Variants in DPYS observed in about 807,000 individuals in gnomAD.
DPYS encodes dihydropyrimidinase.
A neutral mutation model predicts 50.3 loss-of-function variants in DPYS; 39 were observed. The observed-to-expected ratio is 0.78, with a 90% CI of 0.60 to 1.01. DPYS has a LOEUF of 1.01. Ranked by LOEUF, DPYS falls within the 50% of genes least tolerant of loss-of-function variation. The probability of loss-of-function intolerance (pLI) is 0.00; values close to 1 mark genes in which losing one functional copy is unlikely to be tolerated. For missense variants in DPYS, 659 were observed against 680.9 expected, an observed-to-expected ratio of 0.97 and a Z score of 0.36; for synonymous variants, 245 against 250.7, an observed-to-expected ratio of 0.98 and a Z score of 0.22.
chr8:104,429,819 A>G, intron 4 of DPYS, 118 bp from the exon 5 acceptor site: 1 of 1,267,738 alleles, frequency 7.9e-7, no homozygotes. Context: ...ACAGTTTAGC[A>G]GAATCCCAAA....
Position 104,447,175 on chromosome 8 carries a change from A to G in DPYS, c.603+149T>C, listed in dbSNP as rs373495639. On this transcript the variant is annotated intron_variant, in intron 3 of 9. Transcript: ENST00000351513. Reference sequence around the variant, plus strand: ...GGAGTTGGGAGTTTCTGAGCCACAGAAAATCCGTTTCCGAGCCACGGAAAA... The same window carrying G: ...GGAGTTGGGAGTTTCTGAGCCACAGGAAATCCGTTTCCGAGCCACGGAAAA... 5.9e-6 allele frequency: 6 copies of G among 1,011,848 alleles called. No homozygotes were observed. In the African/African-American group the frequency reaches 6.4e-5, roughly 11 times the overall value. 62.7% of individuals were successfully genotyped at this position (1,011,848 alleles called of 1,614,324 possible).
chr8:104,449,607 A>G (rs571312770), intron 2 of DPYS, among the ~76,000 whole-genome samples: 16 of 152,360 alleles, frequency 1.1e-4, no homozygotes, highest in South Asian at 4.1e-4. Flanking sequence ...TAATTAGTTA[A>G]GATGAGGACA....
At chr8:104,456,878 G>A (rs1034491919) in intron 1 of DPYS, among the ~76,000 whole-genome samples, 20 of 152,194 alleles carry the variant, frequency 1.3e-4, no homozygotes, top group Admixed American at 4.6e-4. Flanking sequence ...CAGAAATTGA[G>A]ATAAACTCTA....
chr8:104,399,317 C>CAAAAA (rs1168182202), intron 7 of DPYS, among the ~76,000 whole-genome samples: 8 of 125,294 alleles, frequency 6.4e-5, no homozygotes, highest in African/African-American at 9.0e-5. Context: ...AAAACAACAA[C>CAAAAA]AAAAAAAAAC....
chr8:104,427,592 T>C (rs1812776467), intron 6 of DPYS, among the ~76,000 whole-genome samples: 1 of 151,944 alleles, frequency 6.6e-6, no homozygotes, highest in Non-Finnish European at 1.5e-5. Flanking sequence ...TCGTGTATTT[T>C]TTATCATTTC....
Position 104,466,684 on chromosome 8 carries a change from G to C in DPYS, c.237C>G (p.Ser79=), listed in dbSNP as rs1192020511. ...TGGTGCCCTGGTGGAAGTCGTCGAT[G>C]GACCGCGAGCCCATGAAGGGGAACT... ...HMQFPFMGSR[S]IDDFHQGTKA... Residue 79 remains serine (S), a synonymous_variant, in exon 1 of 10, where the codon TCC becomes TCG. Coordinates refer to ENST00000351513, the MANE Select transcript of DPYS (RefSeq NM_001385.3). The C allele has an allele frequency of 6.6e-7, 1 of 1,526,616 alleles. No individual in the cohort carries two copies. Among genetic ancestry groups the C allele is most frequent in the African/African-American group, 1.4e-5 (1 of 71,008 alleles). The allele number at this position is 1,526,616 out of a possible 1,614,324, so 94.6% of individuals were successfully genotyped here.
chr8:104,466,639 G>T lies in DPYS; in HGVS notation c.264+18C>A. On this transcript the variant is annotated intron_variant, in intron 1 of 9. Coordinates refer to ENST00000351513, the MANE Select transcript of DPYS (RefSeq NM_001385.3). ...CCTCCGTGGGTACCGCGGGGCGGGG[G>T]CGCGGCGGGGCGGGTACCTTGGTGC... 6.6e-7 allele frequency: 1 copy of T among 1,504,246 alleles called. No individual in the cohort carries two copies. 93.2% of individuals were successfully genotyped at this position (1,504,246 alleles called of 1,614,324 possible).
chr8:104,386,619 T>TC (rs1193876994), intron 8 of DPYS, among the ~76,000 whole-genome samples: 35 of 151,630 alleles, frequency 2.3e-4, no homozygotes, highest in African/African-American at 6.5e-4. Context: ...TTTTTTTTTT[T>TC]CTTTTTATTT....
At chr8:104,464,393 A>G (rs1352569897) in intron 1 of DPYS, among the ~76,000 whole-genome samples, 1 of 152,218 alleles carries the variant, frequency 6.6e-6, no homozygotes, top group Non-Finnish European at 1.5e-5. Flanking sequence ...CCTCCCCCAC[A>G]GCATTCCACT....
Position 104,427,280 on chromosome 8 carries a change from G to T in DPYS, c.1092+700C>A, listed in dbSNP as rs191290743. ...TATGAGCATAACGAATACGCTTCGT[G>T]TATTTTTTTTTTTTTGTGATGGAGT... On this transcript the variant is annotated intron_variant, in intron 6 of 9. Transcript: ENST00000351513. Among the ~76,000 whole-genome samples the T allele has an allele frequency of 1.3e-4, 19 of 149,014 alleles. No homozygotes were observed. In the East Asian group the frequency reaches 3.8e-3, roughly 30 times the overall value.
In DPYS at chr8:104,381,170, C is replaced by G. The variant is rs745640420; in HGVS notation, c.*14+14G>C. 6.2e-7 allele frequency: 1 copy of G among 1,605,026 alleles called. No homozygotes were observed. Among genetic ancestry groups the G allele is most frequent in the South Asian group, 1.1e-5 (1 of 90,868 alleles). The stretch of plus-strand genomic sequence containing the variant: ...TGTCATGCAGGAAGACTTTTCTTGC[C>G]TACAGTCCCTTACCGATGGCACACA... On this transcript the variant is annotated intron_variant, in intron 9 of 9. Coordinates refer to ENST00000351513, the MANE Select transcript of DPYS (RefSeq NM_001385.3).
At chr8:104,463,272 C>T (rs1814235435) in intron 1 of DPYS, among the ~76,000 whole-genome samples, 1 of 152,144 alleles carries the variant, frequency 6.6e-6, no homozygotes, top group African/African-American at 2.4e-5. Flanking sequence ...TATACAAATG[C>T]CTTATAAACT....
intron 7 of DPYS, among the ~76,000 whole-genome samples, chr8:104,417,846 G>A (rs1291509042): frequency 6.6e-6 from 1 of 151,994 alleles, no homozygotes; most frequent in Non-Finnish European, 1.5e-5. Flanking sequence ...TCCCTACTAC[G>A]CCCACTCCCA....
chr8:104,382,087 C>A (rs1485609031), intron 8 of DPYS, among the ~76,000 whole-genome samples: 1 of 152,158 alleles, frequency 6.6e-6, no homozygotes, highest in East Asian at 1.9e-4. Flanking sequence ...GGGAAATAAA[C>A]CTATCTCTCA....
chr8:104,457,283 C>G (rs989237304), intron 1 of DPYS, among the ~76,000 whole-genome samples: 1 of 152,176 alleles, frequency 6.6e-6, no homozygotes, highest in Admixed American at 6.5e-5. Flanking sequence ...CAGGGAGCGT[C>G]TATAGCATGA....
intron 7 of DPYS, among the ~76,000 whole-genome samples, chr8:104,415,187 C>G (rs959344421): frequency 1.3e-5 from 2 of 152,092 alleles, no homozygotes; most frequent in African/African-American, 4.8e-5. Flanking sequence ...ATAATACAAG[C>G]AAATGTCAAA....
rs35013010 is a variant in DPYS, at chr8:104,428,010, A to G, written c.1062T>C (p.Asp354=). 3,460 of 1,614,202 alleles carry G rather than the reference A, an allele frequency of 2.1e-3. 60 individuals carry two copies. The African/African-American group carries it at 0.037, about 17-fold the overall frequency. Residue 354 remains aspartate (D), a synonymous_variant, in exon 6 of 10, where the codon GAT becomes GAC. Transcript: ENST00000351513. ...KIPNGVNGVE[D]RMSVIWEKGV... is the part of the protein sequence containing the mutation. ...CTTTTTCCCATATTACGGACATCCG[A>G]TCTTCAACACCATTCACCCCATTGG...
At chr8:104,447,629 A>T in intron 2 of DPYS, 126 bp from the exon 3 acceptor site, 1 of 1,155,332 alleles carries the variant, frequency 8.7e-7, no homozygotes, top group East Asian at 2.5e-5. Flanking sequence ...ACAATAGTTT[A>T]GTTCCACAAA....
chr8:104,466,938 G>A lies in DPYS; in HGVS notation c.-18C>T, dbSNP rs1299291111. On this transcript the variant is annotated 5_prime_UTR_variant, in exon 1 of 10. Transcript: ENST00000351513. The stretch of plus-strand genomic sequence containing the variant: ...GCCGCCATAGCGAGGGGCGCGCGGG[G>A]TCCTACTCGGCCCGGGCTGCGCGCA... 1 of 1,440,328 alleles carries A rather than the reference G, an allele frequency of 6.9e-7. No individual in the cohort carries two copies. The highest frequency in any genetic ancestry group is 1.4e-5 in the South Asian group (1 of 69,910). The allele number at this position is 1,440,328 out of a possible 1,614,324, so 89.2% of individuals were successfully genotyped here.
Sources: gnomAD v4.1 joint callset for allele counts (sites outside exome capture counted in the v4.1 genomes callset) on GRCh38, gnomAD v4.1.1 for gene constraint, MANE v1.5 for transcripts, NCBI Gene and HGNC (gene_info 2026-07-23, HGNC 2026-07-21) for gene names.